The following CFAP299 variants were observed in gnomAD, a reference collection of about 807,000 sequenced individuals.
The protein encoded by CFAP299 is cilia- and flagella-associated protein 299.
Under a neutral mutation model 27.0 loss-of-function variants are expected in CFAP299, and 21 were observed. The ratio of observed to expected loss-of-function variants is 0.78; its 90% CI spans 0.55 to 1.12. The LOEUF (loss-of-function observed/expected upper bound fraction) is 1.12, where lower values mean the gene tolerates loss of function less well. CFAP299 is among the 50% of genes most tolerant of loss of function. CFAP299 has a pLI of 0.00. For missense variants in CFAP299, 310 were observed against 276.6 expected (o/e 1.12, Z -0.86); for synonymous variants, 104 against 98.1 (o/e 1.06, Z -0.36).
chr4:80,940,512 G>A (rs1230598382), intron 4 of CFAP299, among the ~76,000 whole-genome samples: 1 of 152,002 alleles, frequency 6.6e-6, no homozygotes. Flanking sequence ...TTTTTTCCAC[G>A]AACGGGGTTC....
At chr4:80,517,333 C>T (rs1005494050) in intron 2 of CFAP299, among the ~76,000 whole-genome samples, 1 of 151,996 alleles carries the variant, frequency 6.6e-6, no homozygotes, top group Admixed American at 6.6e-5. Flanking sequence ...TCAGAAGCCT[C>T]CTAAAGAAAG....
chr4:80,599,055 T>G (rs1366455622), intron 3 of CFAP299, among the ~76,000 whole-genome samples: 1 of 152,220 alleles, frequency 6.6e-6, no homozygotes, highest in Non-Finnish European at 1.5e-5. Context: ...AAAAGCTTTA[T>G]GCAAAATAGA....
chr4:80,490,151 C>T (rs1175153618), intron 2 of CFAP299, among the ~76,000 whole-genome samples: 2 of 152,094 alleles, frequency 1.3e-5, no homozygotes, highest in East Asian at 1.9e-4. Flanking sequence ...TCCATGTTAC[C>T]TCTTATATGC....
At chr4:80,744,585 T>G (rs930173839) in intron 3 of CFAP299, among the ~76,000 whole-genome samples, 1 of 150,896 alleles carries the variant, frequency 6.6e-6, no homozygotes, top group African/African-American at 2.4e-5. Context: ...ATTTTCATCT[T>G]TTTTTTTTAA....
intron 2 of CFAP299, among the ~76,000 whole-genome samples, chr4:80,573,232 A>T (rs1601512): frequency 6.6e-6 from 1 of 152,104 alleles, no homozygotes. Flanking sequence ...ATGATGTTGA[A>T]CACCTTTTTA....
In CFAP299 at chr4:80,745,428, T is replaced by C. The variant is rs529360217; in HGVS notation, c.334-124565T>C. Among the ~76,000 whole-genome samples the C allele has an allele frequency of 5.0e-3, 766 of 152,240 alleles. 4 individuals carry two copies. The highest frequency in any genetic ancestry group is 0.02 in the Middle Eastern group (6 of 294). On this transcript the variant is annotated intron_variant, in intron 3 of 5. Coordinates refer to ENST00000358105, the MANE Select transcript of CFAP299 (RefSeq NM_152770.3). ...TTGCACATGGATATGATGCTCCAAA[T>C]AAAATTGCATGCATTTCAGCTAAGT... is the stretch of plus-strand genomic sequence containing the variant.
intron 2 of CFAP299, among the ~76,000 whole-genome samples, chr4:80,543,356 G>T (rs1207712334): frequency 6.6e-6 from 1 of 152,184 alleles, no homozygotes; most frequent in Non-Finnish European, 1.5e-5. Context: ...TTCTTAACCA[G>T]ATTGAAATGG....
chr4:80,322,604 G>A, the CFAP299 span, among the ~76,000 whole-genome samples: 91 of 152,166 alleles, frequency 6.0e-4, no homozygotes, highest in Admixed American at 5.8e-3. Context: ...CTTATCAAGC[G>A]CTGTCTGTTC....
At chr4:80,457,195 A>G (rs879421579) in intron 2 of CFAP299, among the ~76,000 whole-genome samples, 3 of 152,228 alleles carry the variant, frequency 2.0e-5, no homozygotes, top group Non-Finnish European at 2.9e-5. Flanking sequence ...GACAAGAATT[A>G]CAACAATTGA....
At chr4:80,423,254 G>A (rs1001535317) in intron 2 of CFAP299, among the ~76,000 whole-genome samples, 1 of 152,280 alleles carries the variant, frequency 6.6e-6, no homozygotes, top group Non-Finnish European at 1.5e-5. Context: ...AACAATGGAA[G>A]TATGCACATA....
chr4:80,436,216 C>G (rs11936436), intron 2 of CFAP299, among the ~76,000 whole-genome samples: 29,276 of 151,924 alleles, frequency 0.19, 2,995 homozygotes, highest in South Asian at 0.29. Flanking sequence ...TCTTACTTCC[C>G]TTAAAGCAAG....
At chr4:80,455,426 A>G (rs922854595) in intron 2 of CFAP299, among the ~76,000 whole-genome samples, 3 of 152,258 alleles carry the variant, frequency 2.0e-5, no homozygotes, top group African/African-American at 4.8e-5. Context: ...CGAATTATAT[A>G]GGAATTTTTG....
At chr4:80,935,711 C>A (rs1216651443) in intron 4 of CFAP299, among the ~76,000 whole-genome samples, 1 of 151,990 alleles carries the variant, frequency 6.6e-6, no homozygotes, top group Non-Finnish European at 1.5e-5. Flanking sequence ...AAAAAATTGA[C>A]AAATGGGATC....
chr4:80,936,780 A>G (rs1420510345), intron 4 of CFAP299, among the ~76,000 whole-genome samples: 1 of 152,124 alleles, frequency 6.6e-6, no homozygotes, highest in Non-Finnish European at 1.5e-5. Flanking sequence ...GTACTCCTGT[A>G]CCTAAAATAA....
chr4:80,643,499 T>C (rs954540462), intron 3 of CFAP299, among the ~76,000 whole-genome samples: 14 of 152,188 alleles, frequency 9.2e-5, no homozygotes, highest in Admixed American at 8.5e-4. Context: ...TAGTTGTATA[T>C]TGATAGAAAA....
At chr4:80,438,925 A>C (rs1728219504) in intron 2 of CFAP299, among the ~76,000 whole-genome samples, 2 of 152,204 alleles carry the variant, frequency 1.3e-5, no homozygotes, top group African/African-American at 4.8e-5. Context: ...ATTTATATGT[A>C]GGTCTTTTTT....
At chr4:80,352,151 C>A (rs1307611202) in intron 1 of CFAP299, among the ~76,000 whole-genome samples, 1 of 152,012 alleles carries the variant, frequency 6.6e-6, no homozygotes, top group Non-Finnish European at 1.5e-5. Context: ...ATGCGTTATG[C>A]AAAATTGATA....
chr4:80,606,074 G>A (rs1041004088), intron 3 of CFAP299, among the ~76,000 whole-genome samples: 5 of 152,128 alleles, frequency 3.3e-5, no homozygotes, highest in Non-Finnish European at 5.9e-5. Context: ...CTTAACTATT[G>A]TAGCTGATGA....
At chr4:80,430,156 T>C (rs1449383894) in intron 2 of CFAP299, among the ~76,000 whole-genome samples, 1 of 152,238 alleles carries the variant, frequency 6.6e-6, no homozygotes, top group Non-Finnish European at 1.5e-5. Context: ...TATTTTTTAC[T>C]AAACATGAAT....
Sources: gnomAD v4.1 joint callset for allele counts (sites outside exome capture counted in the v4.1 genomes callset) on GRCh38, gnomAD v4.1.1 for gene constraint, MANE v1.5 for transcripts, NCBI Gene and HGNC (gene_info 2026-07-23, HGNC 2026-07-21) for gene names.